Variants in FSTL5 observed in about 807,000 individuals in gnomAD.
FSTL5 encodes the protein follistatin-related protein 5.
Under a neutral mutation model 89.1 loss-of-function variants are expected in FSTL5, and 62 were observed. The observed-to-expected ratio is 0.70, with a 90% confidence interval of 0.57 to 0.86. FSTL5 has a LOEUF of 0.86. Ranked by LOEUF, FSTL5 falls within the 40% of genes least tolerant of loss-of-function variation. FSTL5 has a pLI of 0.00. For synonymous variants in FSTL5, 383 were observed against 346.2 expected (o/e 1.11, Z -1.18); for missense variants, 1,057 against 1,001.6 (o/e 1.06, Z -0.75).
chr4:161,459,609 C>T (rs1362019885), intron 13 of FSTL5, among the ~76,000 whole-genome samples: 1 of 151,944 alleles, frequency 6.6e-6, no homozygotes, highest in Non-Finnish European at 1.5e-5. Context: ...CTGTACACAG[C>T]TTTCAGTTCA....
chr4:161,565,224 T>TATCATCATCATCATC (rs59471047), intron 8 of FSTL5, among the ~76,000 whole-genome samples: 30 of 150,312 alleles, frequency 2.0e-4, no homozygotes, highest in Non-Finnish European at 3.6e-4. Context: ...ATATCTTGCC[T>TATCATCATCATCATC]ATCATCATCA....
At chr4:161,966,209 C>A (rs1220814971) in intron 3 of FSTL5, among the ~76,000 whole-genome samples, 5 of 152,012 alleles carry the variant, frequency 3.3e-5, no homozygotes, top group African/African-American at 9.7e-5. Flanking sequence ...GTTGTGGAAC[C>A]TAAATTTCAG....
intron 15 of FSTL5, among the ~76,000 whole-genome samples, chr4:161,419,021 T>C (rs1731888435): frequency 6.6e-6 from 1 of 152,226 alleles, no homozygotes. Context: ...CATCATCTCA[T>C]GCATTATTCC....
In FSTL5 at chr4:161,547,868, G is replaced by A. The variant is rs566204350; in HGVS notation, c.1016-5175C>T. Among the ~76,000 whole-genome samples the A allele has an allele frequency of 1.9e-4, 29 of 151,934 alleles. No individual in the cohort carries two copies. In the South Asian group the frequency reaches 5.8e-3, roughly 30 times the overall value. ...AATTTGGTATGTGTGCATGATACAA[G>A]TTTGCATATTTGTAAATACCAGTAA... On this transcript the variant is annotated intron_variant, in intron 8 of 15. Coordinates refer to ENST00000306100, the MANE Select transcript of FSTL5 (RefSeq NM_020116.5).
At chr4:161,434,739 T>C (rs1476890989) in intron 15 of FSTL5, among the ~76,000 whole-genome samples, 1 of 151,748 alleles carries the variant, frequency 6.6e-6, no homozygotes, top group Non-Finnish European at 1.5e-5. Flanking sequence ...AAAAATCTAA[T>C]AATCCAGTTA....
intron 10 of FSTL5, among the ~76,000 whole-genome samples, chr4:161,534,810 A>G (rs1056054618): frequency 2.6e-5 from 4 of 151,962 alleles, no homozygotes; most frequent in African/African-American, 7.2e-5. Flanking sequence ...GCATCACACT[A>G]TACTTCACAC....
chr4:161,587,894 C>G (rs966858906), intron 7 of FSTL5, among the ~76,000 whole-genome samples: 2 of 152,142 alleles, frequency 1.3e-5, no homozygotes, highest in Non-Finnish European at 2.9e-5. Context: ...TTAGAACAGG[C>G]CAGGCACGGT....
chr4:161,749,614 G>A (rs1427475591), intron 6 of FSTL5, among the ~76,000 whole-genome samples: 1 of 151,946 alleles, frequency 6.6e-6, no homozygotes, highest in Non-Finnish European at 1.5e-5. Context: ...TAGCTAACAC[G>A]GTGAAACCCC....
chr4:162,072,555 T>C (rs2111313029), intron 2 of FSTL5, among the ~76,000 whole-genome samples: 1 of 151,936 alleles, frequency 6.6e-6, no homozygotes, highest in South Asian at 2.1e-4. Flanking sequence ...TTGAACAAAG[T>C]TTTATAATTA....
intron 4 of FSTL5, among the ~76,000 whole-genome samples, chr4:161,818,783 C>T (rs575689613): frequency 2.0e-5 from 3 of 152,170 alleles, no homozygotes; most frequent in South Asian, 4.2e-4. Flanking sequence ...TGAAAAAAAC[C>T]TCTTCTCAGT....
At chr4:161,961,214 C>T (rs1445914763) in intron 3 of FSTL5, among the ~76,000 whole-genome samples, 1 of 151,960 alleles carries the variant, frequency 6.6e-6, no homozygotes, top group African/African-American at 2.4e-5. Flanking sequence ...CTCAACTGAT[C>T]CTCTCACTCC....
chr4:161,507,000 T>A (rs991508635), intron 11 of FSTL5, among the ~76,000 whole-genome samples: 1 of 152,176 alleles, frequency 6.6e-6, no homozygotes, highest in Non-Finnish European at 1.5e-5. Context: ...ATTATTCACA[T>A]ATCATATGAA....
At chr4:161,496,111 A>G (rs1730060648) in intron 12 of FSTL5, among the ~76,000 whole-genome samples, 1 of 152,220 alleles carries the variant, frequency 6.6e-6, no homozygotes, top group South Asian at 2.1e-4. Context: ...AATTAGATGT[A>G]TACATTTTTA....
At chr4:162,151,600 C>T (rs1733227817) in intron 1 of FSTL5, among the ~76,000 whole-genome samples, 1 of 152,098 alleles carries the variant, frequency 6.6e-6, no homozygotes, top group Non-Finnish European at 1.5e-5. Context: ...CATCTTGTCA[C>T]ATTCTATTTT....
chr4:161,459,197 C>G lies in FSTL5; in HGVS notation c.1716+15G>C. On this transcript the variant is annotated intron_variant, in intron 14 of 15. Coordinates refer to ENST00000306100, the MANE Select transcript of FSTL5 (RefSeq NM_020116.5). ...AAAGATTGTTATTTTCTCTAATATA[C>G]TGAAATGTACTTACCTGTAGTGTTG... 1 of 1,362,548 alleles carries G rather than the reference C, an allele frequency of 7.3e-7. No individual in the cohort carries two copies. The allele number at this position is 1,362,548 out of a possible 1,614,324, so 84.4% of individuals were successfully genotyped here.
intron 11 of FSTL5, among the ~76,000 whole-genome samples, chr4:161,501,203 T>C (rs576773757): frequency 6.6e-6 from 1 of 152,290 alleles, no homozygotes; most frequent in Admixed American, 6.5e-5. Context: ...AGAAAGATAA[T>C]TTATTTAAAT....
chr4:161,724,821 A>G (rs1281617416), intron 6 of FSTL5, among the ~76,000 whole-genome samples: 1 of 152,198 alleles, frequency 6.6e-6, no homozygotes, highest in Non-Finnish European at 1.5e-5. Flanking sequence ...ATATAAAAGT[A>G]CTCAATGCAA....
chr4:161,626,014 G>A (rs1052448225), intron 7 of FSTL5, among the ~76,000 whole-genome samples: 2 of 152,040 alleles, frequency 1.3e-5, no homozygotes, highest in Non-Finnish European at 2.9e-5. Context: ...TCTTCTGTAA[G>A]AAAGAGGTTA....
chr4:161,620,193 G>T (rs1735069516), intron 7 of FSTL5, among the ~76,000 whole-genome samples: 2 of 111,930 alleles, frequency 1.8e-5, no homozygotes, highest in African/African-American at 6.9e-5. Context: ...CTGTTGTGGG[G>T]TGGGGGGAGG....
Sources: gnomAD v4.1 joint callset for allele counts (sites outside exome capture counted in the v4.1 genomes callset) on GRCh38, gnomAD v4.1.1 for gene constraint, MANE v1.5 for transcripts, NCBI Gene and HGNC (gene_info 2026-07-23, HGNC 2026-07-21) for gene names.